DCUN1D1: variants seen among roughly 807,000 people sequenced by gnomAD.
DCUN1D1 encodes the protein defective in cullin neddylation 1 domain containing 1.
In DCUN1D1, 3 loss-of-function variants were observed where a neutral mutation model predicts 39.0. The observed-to-expected ratio is 0.08, with a 90% CI of 0.04 to 0.20. The LOEUF is 0.20. DCUN1D1 is among the 10% of genes least tolerant of loss of function. The pLI, the probability that DCUN1D1 is intolerant of heterozygous loss-of-function variation, is 1.00. For missense variants in DCUN1D1, 158 were observed against 302.4 expected, an observed-to-expected ratio of 0.52 and a Z score of 3.54; for synonymous variants, 82 against 96.3, an observed-to-expected ratio of 0.85 and a Z score of 0.87.
intron 3 of DCUN1D1, among the ~76,000 whole-genome samples, chr3:182,962,363 C>T (rs1164516026): frequency 6.6e-6 from 1 of 152,152 alleles, no homozygotes; most frequent in Non-Finnish European, 1.5e-5. Flanking sequence ...CCAGCTGGCT[C>T]TGTGTTAGGT....
chr3:182,946,556 C>CAG (rs1726415383), intron 6 of DCUN1D1, among the ~76,000 whole-genome samples: 1 of 61,562 alleles, frequency 1.6e-5, no homozygotes. Context: ...GACTCCATCT[C>CAG]AAAAAAAAAA....
chr3:182,958,134 A>C (rs1727188409), intron 4 of DCUN1D1, among the ~76,000 whole-genome samples: 1 of 152,004 alleles, frequency 6.6e-6, no homozygotes, highest in African/African-American at 2.4e-5. Context: ...GAACCCTTAG[A>C]AAGGCTGTTA....
chr3:182,938,161 G>A lies in DCUN1D1; in HGVS notation c.*6933C>T, dbSNP rs1211049437. ...CTACATTAACTTGAAAAATATATTCGTTAGAATTTTTTTATTAAGTACATC... is the reference window on the plus strand; with the variant it reads ...CTACATTAACTTGAAAAATATATTCATTAGAATTTTTTTATTAAGTACATC... On this transcript the variant is annotated 3_prime_UTR_variant, in exon 7 of 7. Transcript: ENST00000292782. 2.6e-5 allele frequency: 4 copies of A among 152,106 alleles called. No individual in the cohort carries two copies. Among genetic ancestry groups the A allele is most frequent in the African/African-American group, 9.6e-5 (4 of 41,504 alleles). The allele number at this position is 152,106 out of a possible 1,614,324, so 9.4% of individuals were successfully genotyped here. A position where few individuals can be genotyped will look rare whatever the true frequency, so the allele number is the denominator to read the frequency against.
At chr3:182,958,943 G>GTTA (rs1168244582) in intron 4 of DCUN1D1, among the ~76,000 whole-genome samples, 1 of 152,170 alleles carries the variant, frequency 6.6e-6, no homozygotes, top group East Asian at 1.9e-4. Flanking sequence ...TAAGAAATAG[G>GTTA]TTATGTCCCT....
chr3:182,953,543 T>C (rs977324331), intron 4 of DCUN1D1, among the ~76,000 whole-genome samples: 2 of 152,174 alleles, frequency 1.3e-5, no homozygotes, highest in Admixed American at 6.5e-5. Context: ...AAGATAACAA[T>C]AGTACCTATC....
chr3:182,975,682 T>TAAAA (rs56722976), intron 1 of DCUN1D1, among the ~76,000 whole-genome samples: 1 of 121,992 alleles, frequency 8.2e-6, no homozygotes, highest in African/African-American at 3.3e-5. Flanking sequence ...CTTGCTGGGT[T>TAAAA]AAAAAAAAAA....
At chr3:182,945,809 CTACACATTCA>C (rs1451257958) in intron 6 of DCUN1D1, among the ~76,000 whole-genome samples, 1 of 152,170 alleles carries the variant, frequency 6.6e-6, no homozygotes. Flanking sequence ...ATGCATGCCT[CTACACATTCA>C]CATGCCCATC....
chr3:182,953,447 G>A (rs2108633231), intron 4 of DCUN1D1, among the ~76,000 whole-genome samples: 1 of 152,274 alleles, frequency 6.6e-6, no homozygotes, highest in South Asian at 2.1e-4. Flanking sequence ...TACAGTATGA[G>A]TTTTAGTCTC....
rs1045454925 is a variant in DCUN1D1 at position 182,943,745 on chromosome 3, A to G, written c.*1349T>C. The G allele has an allele frequency of 5.2e-5, 8 of 152,760 alleles. No homozygotes were observed. The highest frequency in any genetic ancestry group is 1.9e-4 in the African/African-American group (8 of 41,594). 9.5% of individuals were successfully genotyped at this position (152,760 alleles called of 1,614,324 possible). A position where few individuals can be genotyped will look rare whatever the true frequency, so the allele number is the denominator to read the frequency against. On this transcript the variant is annotated 3_prime_UTR_variant, in exon 7 of 7. Transcript: ENST00000292782. ...AAGAAACCCTTCTTCACATGTCAGT[A>G]AGTGAACAGGGAAATGACCATTTTC...
rs1049857689 is a variant in DCUN1D1, at chr3:182,942,867, T to C, written c.*2227A>G. The C allele has an allele frequency of 5.3e-5, 8 of 151,948 alleles. No homozygotes were observed. The highest frequency in any genetic ancestry group is 1.7e-4 in the African/African-American group (7 of 41,198). The allele number at this position is 151,948 out of a possible 1,614,324, so 9.4% of individuals were successfully genotyped here. A position where few individuals can be genotyped will look rare whatever the true frequency, so the allele number is the denominator to read the frequency against. ...TAAATCAGTCTTCTCTTTTCAGCCCTAGTAAAAGTTTTGTTTAATTCTAAG... is the reference window on the plus strand; with the variant it reads ...TAAATCAGTCTTCTCTTTTCAGCCCCAGTAAAAGTTTTGTTTAATTCTAAG... On this transcript the variant is annotated 3_prime_UTR_variant, in exon 7 of 7. Transcript: ENST00000292782.
intron 1 of DCUN1D1, among the ~76,000 whole-genome samples, chr3:182,973,051 A>AGGG (rs138861832): frequency 2.2e-4 from 34 of 151,530 alleles, no homozygotes; most frequent in African/African-American, 8.0e-4. Flanking sequence ...TCAAAAAAAA[A>AGGG]GGGGGGGGCT....
At chr3:182,971,603 AG>A (rs377288654) in intron 1 of DCUN1D1, among the ~76,000 whole-genome samples, 41 of 151,854 alleles carry the variant, frequency 2.7e-4, no homozygotes, top group African/African-American at 9.9e-4. Flanking sequence ...AAAAAACTCC[AG>A]AAAAAAAAAT....
upstream of DCUN1D1, among the ~76,000 whole-genome samples, chr3:182,981,123 C>A (rs182597452): frequency 2.0e-5 from 3 of 152,188 alleles, no homozygotes; most frequent in South Asian, 2.1e-4. Flanking sequence ...TAGTCCCCCC[C>A]CTGCGGTGGC....
chr3:182,941,589 C>T lies in DCUN1D1; in HGVS notation c.*3505G>A, dbSNP rs1307894727. On this transcript the variant is annotated 3_prime_UTR_variant, in exon 7 of 7. Coordinates refer to ENST00000292782, the MANE Select transcript of DCUN1D1 (RefSeq NM_020640.4). ...AAAAAACATTTTATCATTACATTAT[C>T]AAATTTGATAAAATCTTATGAAAAC... The T allele has an allele frequency of 2.0e-5, 3 of 151,918 alleles. No homozygotes were observed. Among genetic ancestry groups the T allele is most frequent in the Admixed American group, 6.6e-5 (1 of 15,244 alleles). 9.4% of individuals were successfully genotyped at this position (151,918 alleles called of 1,614,324 possible).
chr3:182,966,841 T>C (rs1360701972), intron 1 of DCUN1D1, among the ~76,000 whole-genome samples: 1 of 152,216 alleles, frequency 6.6e-6, no homozygotes, highest in Admixed American at 6.5e-5. Flanking sequence ...GCACAGTGGC[T>C]CACGCCTGTA....
Position 182,980,534 on chromosome 3 carries a change from CG to C in DCUN1D1, c.-46del. The C allele has an allele frequency of 8.1e-7, 1 of 1,230,212 alleles. No individual in the cohort carries two copies. Among genetic ancestry groups the C allele is most frequent in the Non-Finnish European group, 1.0e-6 (1 of 968,128 alleles). The allele number at this position is 1,230,212 out of a possible 1,614,324, so 76.2% of individuals were successfully genotyped here. ...CTCCCCTCCTCCTCCGGCTCCGCAGCGAATGGACGGCGGCGGCGGCGGCGGC... is the reference window on the plus strand; with the variant it reads ...CTCCCCTCCTCCTCCGGCTCCGCAGCAATGGACGGCGGCGGCGGCGGCGGC... On this transcript the variant is annotated 5_prime_UTR_variant, in exon 1 of 7. Transcript: ENST00000292782.
Position 182,940,641 on chromosome 3 carries a change from C to T in DCUN1D1, c.*4453G>A, listed in dbSNP as rs1509234. 0.59 allele frequency: 88,991 copies of T among 151,878 alleles called. 27,006 individuals carry two copies. Among genetic ancestry groups the T allele is most frequent in the Non-Finnish European group, 0.67 (45,507 of 67,928 alleles). The allele number at this position is 151,878 out of a possible 1,614,324, so 9.4% of individuals were successfully genotyped here. A position where few individuals can be genotyped will look rare whatever the true frequency, so the allele number is the denominator to read the frequency against. On this transcript the variant is annotated 3_prime_UTR_variant, in exon 7 of 7. Transcript: ENST00000292782. ...GCCTACAACAGATAAAAGTAGAATG[C>T]CATAAAGGAAGTGGGAAAGGGCCTG... is the stretch of plus-strand genomic sequence containing the variant.
upstream of DCUN1D1, among the ~76,000 whole-genome samples, chr3:182,983,580 G>C (rs916704255): frequency 6.6e-6 from 1 of 152,116 alleles, no homozygotes; most frequent in African/African-American, 2.4e-5. Flanking sequence ...GGTTGCGCAT[G>C]CCTGCAATCC....
At chr3:182,980,466 C>A in intron 1 of DCUN1D1, 21 bp downstream of exon 1, 1 of 1,167,328 alleles carries the variant, frequency 8.6e-7, no homozygotes, top group Non-Finnish European at 1.1e-6. Flanking sequence ...GCAGGGCGGG[C>A]GGGCGGCCGC....
Sources: allele counts gnomAD v4.1 joint callset (sites outside exome capture counted in the v4.1 genomes callset), GRCh38; gene constraint gnomAD v4.1.1; transcripts MANE v1.5; gene names NCBI Gene and HGNC (gene_info 2026-07-23, HGNC 2026-07-21).